Variants in KCNAB1 observed in about 807,000 individuals in gnomAD.
The protein encoded by KCNAB1 is potassium voltage-gated channel subfamily A regulatory beta subunit 1.
In KCNAB1, 35 loss-of-function variants were observed where a neutral mutation model predicts 64.6. The observed-to-expected ratio is 0.54, with a 90% confidence interval of 0.41 to 0.72. KCNAB1 has a LOEUF of 0.72. KCNAB1 is among the 30% of genes least tolerant of loss of function. The pLI, the probability that KCNAB1 is intolerant of heterozygous loss-of-function variation, is 0.00. For missense variants in KCNAB1, 401 were observed against 512.9 expected, an observed-to-expected ratio of 0.78 and a Z score of 2.11; for synonymous variants, 177 against 183.8, an observed-to-expected ratio of 0.96 and a Z score of 0.30.
rs551525368 is a variant in KCNAB1, at chr3:156,536,883, G to A, written c.*136G>A. 17 of 655,498 alleles carry A rather than the reference G, an allele frequency of 2.6e-5. No homozygotes were observed. The African/African-American group carries it at 2.7e-4, about 10-fold the overall frequency. 40.6% of individuals were successfully genotyped at this position (655,498 alleles called of 1,614,324 possible). A position where few individuals can be genotyped will look rare whatever the true frequency, so the allele number is the denominator to read the frequency against. ...TCTAGTGTCCCTCCCTGGATTCTTTGAGGTGTCTGCTGTCGCTACCACTGT... is the reference window on the plus strand; with the variant it reads ...TCTAGTGTCCCTCCCTGGATTCTTTAAGGTGTCTGCTGTCGCTACCACTGT... On this transcript the variant is annotated 3_prime_UTR_variant, in exon 14 of 14. Transcript: ENST00000490337.
chr3:156,312,557 C>A (rs184406322), intron 1 of KCNAB1, among the ~76,000 whole-genome samples: 119 of 151,850 alleles, frequency 7.8e-4, no homozygotes, highest in African/African-American at 2.7e-3. Context: ...ACTGAAAATA[C>A]AAAAATTAGC....
At chr3:156,430,271 G>A (rs560461473) in intron 2 of KCNAB1, among the ~76,000 whole-genome samples, 3 of 152,326 alleles carry the variant, frequency 2.0e-5, no homozygotes, top group East Asian at 1.9e-4. Context: ...AGAACTCGAG[G>A]AGAGAAAATA....
intron 1 of KCNAB1, among the ~76,000 whole-genome samples, chr3:156,304,013 T>C (rs1048346896): frequency 6.6e-5 from 10 of 152,338 alleles, no homozygotes; most frequent in Middle Eastern, 3.4e-3. Context: ...TTTTTCAATT[T>C]CATTTCTTAG....
intron 9 of KCNAB1, among the ~76,000 whole-genome samples, chr3:156,514,703 G>A (rs542099458): frequency 5.9e-5 from 9 of 152,292 alleles, no homozygotes; most frequent in African/African-American, 1.7e-4. Context: ...TATATTAACA[G>A]AGTATTCTAG....
chr3:156,413,550 A>T (rs1046333152), intron 1 of KCNAB1, among the ~76,000 whole-genome samples: 1 of 152,208 alleles, frequency 6.6e-6, no homozygotes, highest in African/African-American at 2.4e-5. Flanking sequence ...CAGATGGGAC[A>T]CAGAGAGGTT....
At chr3:156,211,881 G>A (rs1212993798) in intron 1 of KCNAB1, among the ~76,000 whole-genome samples, 1 of 152,230 alleles carries the variant, frequency 6.6e-6, no homozygotes, top group African/African-American at 2.4e-5. Context: ...GCTGTTCACA[G>A]GAAGAGGCTC....
intron 1 of KCNAB1, among the ~76,000 whole-genome samples, chr3:156,301,021 G>T (rs1055508345): frequency 4.6e-5 from 7 of 152,126 alleles, no homozygotes; most frequent in African/African-American, 1.7e-4. Flanking sequence ...ATAGGAGAAT[G>T]CCCATGGAGG....
At chr3:156,250,261 T>A (rs548153045) in intron 1 of KCNAB1, among the ~76,000 whole-genome samples, 1 of 152,282 alleles carries the variant, frequency 6.6e-6, no homozygotes, top group South Asian at 2.1e-4. Flanking sequence ...GGACAGTCCA[T>A]CCTTTCTAAC....
chr3:156,490,247 A>G (rs1165680283), intron 8 of KCNAB1, among the ~76,000 whole-genome samples: 2 of 152,138 alleles, frequency 1.3e-5, no homozygotes, highest in African/African-American at 4.8e-5. Flanking sequence ...AAATTCTAAC[A>G]GATATTGACA....
At chr3:156,388,358 G>A (rs1161333268) in intron 1 of KCNAB1, among the ~76,000 whole-genome samples, 2 of 152,234 alleles carry the variant, frequency 1.3e-5, no homozygotes, top group African/African-American at 2.4e-5. Flanking sequence ...GGGACTGTGA[G>A]AGCCCCTTCA....
intron 1 of KCNAB1, among the ~76,000 whole-genome samples, chr3:156,389,884 A>G (rs1712902292): frequency 6.6e-6 from 1 of 152,158 alleles, no homozygotes; most frequent in Non-Finnish European, 1.5e-5. Context: ...ATATAGCCAC[A>G]CCCATTAATT....
intron 1 of KCNAB1, among the ~76,000 whole-genome samples, chr3:156,165,291 A>G (rs1711510733): frequency 6.6e-6 from 1 of 150,964 alleles, no homozygotes; most frequent in African/African-American, 2.4e-5. Flanking sequence ...AAAAAAAAAA[A>G]AAAAAAAAAA....
chr3:156,358,598 A>C (rs1451423726), intron 1 of KCNAB1, among the ~76,000 whole-genome samples: 1 of 152,152 alleles, frequency 6.6e-6, no homozygotes, highest in Admixed American at 6.5e-5. Flanking sequence ...TTTTCAAGAA[A>C]ATTAGAAAAC....
chr3:156,134,507 A>G (rs980246681), intron 1 of KCNAB1, among the ~76,000 whole-genome samples: 1 of 152,214 alleles, frequency 6.6e-6, no homozygotes, highest in African/African-American at 2.4e-5. Flanking sequence ...AGGCTTTGGG[A>G]TATCTTATTT....
intron 12 of KCNAB1, among the ~76,000 whole-genome samples, chr3:156,526,187 AG>A (rs1425672381): frequency 1.3e-5 from 2 of 152,238 alleles, no homozygotes; most frequent in African/African-American, 4.8e-5. Context: ...TAGGAGCAAT[AG>A]GCTATCCCAT....
rs1248349172 is a variant in KCNAB1, at chr3:156,249,580, G to A, written c.275+128694G>A. Among the ~76,000 whole-genome samples the A allele has an allele frequency of 3.1e-3, 457 of 149,060 alleles. 4 individuals carry two copies. The highest frequency in any genetic ancestry group is 9.8e-3 in the African/African-American group (398 of 40,580). On this transcript the variant is annotated intron_variant, in intron 1 of 13. Transcript: ENST00000490337. ...CTGTCTAAAAAAAAAAGAAAAAAAA[G>A]AAAAAAAAAGAAAAAAAAGTAAATG...
At chr3:156,338,330 T>TTTTTTTTTTTTTA (rs1723871417) in intron 1 of KCNAB1, among the ~76,000 whole-genome samples, 1 of 125,950 alleles carries the variant, frequency 7.9e-6, no homozygotes, top group Non-Finnish European at 1.7e-5. Flanking sequence ...TTTTTTTTTT[T>TTTTTTTTTTTTTA]ACAGAGTTTA....
At chr3:156,322,168 C>T (rs913395687) in intron 1 of KCNAB1, among the ~76,000 whole-genome samples, 1 of 152,174 alleles carries the variant, frequency 6.6e-6, no homozygotes, top group Non-Finnish European at 1.5e-5. Context: ...CAGATTCTCC[C>T]AGCTCATACT....
chr3:156,396,292 A>G (rs1447533533), intron 1 of KCNAB1, among the ~76,000 whole-genome samples: 1 of 152,236 alleles, frequency 6.6e-6, no homozygotes, highest in East Asian at 1.9e-4. Context: ...TAACATATAG[A>G]CTATGCAAGT....
Sources: allele counts gnomAD v4.1 joint callset (sites outside exome capture counted in the v4.1 genomes callset), GRCh38; gene constraint gnomAD v4.1.1; transcripts MANE v1.5; gene names NCBI Gene and HGNC (gene_info 2026-07-23, HGNC 2026-07-21).